Variants in EIF3A observed in about 807,000 individuals in gnomAD.
The protein encoded by EIF3A is eukaryotic translation initiation factor 3 subunit A.
EIF3A carries 21 observed loss-of-function variants against 186.6 expected under a neutral mutation model. The ratio of observed to expected loss-of-function variants is 0.11; its 90% CI spans 0.08 to 0.16. The LOEUF is 0.16. EIF3A is among the 10% of genes least tolerant of loss of function. The pLI is 1.00. For missense variants in EIF3A, 1,306 were observed against 1,796.3 expected (o/e 0.73, Z 4.93); for synonymous variants, 563 against 584.3 (o/e 0.96, Z 0.52).
intron 17 of EIF3A, among the ~76,000 whole-genome samples, chr10:119,049,493 C>CA (rs67696743): frequency 0.12 from 13,965 of 112,698 alleles, 2,328 homozygotes; most frequent in African/African-American, 0.37. Context: ...GACTCTGTCT[C>CA]AAAAAAAAAA....
At chr10:119,037,358 G>T (rs774950094) in intron 20 of EIF3A, 49 bp from the exon 21 acceptor site, 2 of 1,525,110 alleles carry the variant, frequency 1.3e-6, no homozygotes, top group Admixed American at 1.7e-5. Flanking sequence ...TAGACCAAAT[G>T]GATAATTATA....
chr10:119,061,352 G>T, intron 7 of EIF3A, 24 bp from the exon 8 acceptor site: 2 of 1,084,648 alleles, frequency 1.8e-6, no homozygotes, highest in Non-Finnish European at 2.7e-6. Context: ...AACAAAAGAT[G>T]TAACTGCCAA....
intron 11 of EIF3A, 45 bp downstream of exon 11, chr10:119,059,167 G>T: frequency 6.6e-7 from 1 of 1,510,900 alleles, no homozygotes; most frequent in Non-Finnish European, 9.1e-7. Context: ...GGCGTTAAGA[G>T]TCCCTCAAAA....
At chr10:119,074,609 T>TA (rs1282266376) in intron 1 of EIF3A, among the ~76,000 whole-genome samples, 1 of 151,458 alleles carries the variant, frequency 6.6e-6, no homozygotes, top group Non-Finnish European at 1.5e-5. Flanking sequence ...CAAACTGCTC[T>TA]AAAAAATTCT....
At chr10:119,065,981 T>C (rs1843969819) in intron 6 of EIF3A, among the ~76,000 whole-genome samples, 1 of 151,786 alleles carries the variant, frequency 6.6e-6, no homozygotes, top group Admixed American at 6.6e-5. Flanking sequence ...CCAGGCGTAG[T>C]GGTGGGCGCC....
chr10:119,042,379 C>A lies in EIF3A; in HGVS notation c.3141G>T (p.Gly1047=), dbSNP rs747054568. ...CATCATCAGCGCCTCCTCGCCTCGG[C>A]CCCCGGTCATCATCCATCCCACGTC... ...GPRRGMDDDR[G]PRRGGADDER... Residue 1047 remains glycine (G), a synonymous_variant, in exon 19 of 22, where the codon GGG becomes GGT. Coordinates refer to ENST00000369144, the MANE Select transcript of EIF3A (RefSeq NM_003750.4). This position sits in a 1 kb window ranked among gnomAD's most constrained non-coding sequence, Gnocchi z 7.8. The A allele has an allele frequency of 8.1e-6, 13 of 1,612,818 alleles. No homozygotes were observed. The Admixed American group carries it at 2.0e-4, about 25-fold the overall frequency.
At position 119,077,763 on chromosome 10, in the gene EIF3A, G is replaced by A. The variant is rs544678166; in HGVS notation, c.49+2865C>T. On this transcript the variant is annotated intron_variant, in intron 1 of 21. Coordinates refer to ENST00000369144, the MANE Select transcript of EIF3A (RefSeq NM_003750.4). ...CTAGAGACGGTTTCACTGTGTTAGTGAGGATGGTCTTGATCTCCTGACCTT... is the reference window on the plus strand; with the variant it reads ...CTAGAGACGGTTTCACTGTGTTAGTAAGGATGGTCTTGATCTCCTGACCTT... 6.6e-5 allele frequency among the ~76,000 whole-genome samples: 10 copies of A among 152,056 alleles called. No homozygotes were observed. In the South Asian group the frequency reaches 2.1e-3, roughly 32 times the overall value.
In EIF3A at chr10:119,064,331, ATGTGGTTTG is replaced by A. The variant is rs567950492; in HGVS notation, c.1122+1059_1122+1067del. On this transcript the variant is annotated intron_variant, in intron 7 of 21. Coordinates refer to ENST00000369144, the MANE Select transcript of EIF3A (RefSeq NM_003750.4). ...GTCTACCTTACCTTCTCCCCTAGTG[ATGTGGTTTG>A]GATCTGTGTACCCACCCAAATCTCA... Among the ~76,000 whole-genome samples, 192 of 152,222 alleles carry A rather than the reference ATGTGGTTTG, an allele frequency of 1.3e-3. 4 individuals carry two copies. The South Asian group carries it at 0.021, about 16-fold the overall frequency.
chr10:119,034,703 T>C lies in EIF3A; in HGVS notation c.*1336A>G, dbSNP rs1253780554. ...CTACTCAATAACAGAAATAAGTGCCTACAGCCATGATGAATTTGTAACATT... is the reference window on the plus strand; with the variant it reads ...CTACTCAATAACAGAAATAAGTGCCCACAGCCATGATGAATTTGTAACATT... On this transcript the variant is annotated 3_prime_UTR_variant, in exon 22 of 22. Transcript: ENST00000369144. 1 of 152,208 alleles carries C rather than the reference T, an allele frequency of 6.6e-6. No individual in the cohort carries two copies. Among genetic ancestry groups the C allele is most frequent in the East Asian group, 1.9e-4 (1 of 5,202 alleles). The allele number at this position is 152,208 out of a possible 1,614,324, so 9.4% of individuals were successfully genotyped here.
intron 7 of EIF3A, among the ~76,000 whole-genome samples, chr10:119,062,691 C>G (rs765964296): frequency 6.6e-6 from 1 of 150,976 alleles, no homozygotes; most frequent in African/African-American, 2.4e-5. Flanking sequence ...AAATGTCTTT[C>G]GCTTCTGGGA....
intron 14 of EIF3A, among the ~76,000 whole-genome samples, chr10:119,056,241 G>A (rs766501372): frequency 2.6e-5 from 4 of 152,168 alleles, no homozygotes; most frequent in Non-Finnish European, 5.9e-5. Flanking sequence ...GGAATGACCT[G>A]TTTAGTCACG....
chr10:119,075,020 C>T (rs1360871635), intron 1 of EIF3A, among the ~76,000 whole-genome samples: 1 of 113,614 alleles, frequency 8.8e-6, no homozygotes, highest in Non-Finnish European at 1.7e-5. Context: ...CTCGCTGTGT[C>T]GCCCAGGCTG....
intron 9 of EIF3A, chr10:119,060,268 G>T: frequency 2.3e-6 from 1 of 428,832 alleles, no homozygotes; most frequent in South Asian, 1.7e-5. Flanking sequence ...ATTCACTCAT[G>T]GTGGGGGGTC....
At position 119,036,103 on chromosome 10, in the gene EIF3A, C is replaced by G. The variant is rs778671067; in HGVS notation, c.4085G>C (p.Arg1362Thr). The G allele has an allele frequency of 1.9e-5, 31 of 1,613,918 alleles. No individual in the cohort carries two copies. The highest frequency in any genetic ancestry group is 2.5e-5 in the Non-Finnish European group (30 of 1,179,952). ...EKASWRAEKDRESLRRTKNET... is the reference protein window; with the variant it reads ...EKASWRAEKDTESLRRTKNET... Reference sequence around the variant, plus strand: ...ATTTTTAGTACGACGGAGAGATTCCCTATCTTTCTCAGCTCTCCATGAGGC... The same window carrying G: ...ATTTTTAGTACGACGGAGAGATTCCGTATCTTTCTCAGCTCTCCATGAGGC... Residue 1362 changes from arginine to threonine, a missense_variant, in exon 22 of 22, where the codon AGG becomes ACG. By Grantham distance (71) the Arg-to-Thr change is moderately conservative. Around this residue, in one of 8 missense-constraint regions of EIF3A, gnomAD observed 331 missense variants for 365.8 expected, o/e 0.90. Coordinates refer to ENST00000369144, the MANE Select transcript of EIF3A (RefSeq NM_003750.4).
intron 4 of EIF3A, 120 bp from the exon 5 acceptor site, chr10:119,071,205 A>G: frequency 1.4e-6 from 1 of 719,868 alleles, no homozygotes; most frequent in Non-Finnish European, 2.3e-6. Context: ...ACTCATCATT[A>G]GTCTTTGTGA....
At chr10:119,040,608 C>T (rs1312576996) in intron 19 of EIF3A, among the ~76,000 whole-genome samples, 1 of 152,150 alleles carries the variant, frequency 6.6e-6, no homozygotes, top group Non-Finnish European at 1.5e-5. Flanking sequence ...CAGTGGCTCA[C>T]GCCTGTAATC....
Position 119,037,143 on chromosome 10 carries a change from G to T in EIF3A, c.3895C>A (p.Pro1299Thr). 1 of 1,611,648 alleles carries T rather than the reference G, an allele frequency of 6.2e-7. No individual in the cohort carries two copies. Among genetic ancestry groups the T allele is most frequent in the South Asian group, 1.1e-5 (1 of 91,004 alleles). ...CCTTCTTCACGTTCTGATCTGAGTG[G>T]AGGTCCTCTTCGGTCCCTGTCGTCT... ...LRDDRDRRGP[P>T]LRSEREEVSS... Residue 1299 changes from proline (P) to threonine (T), a missense_variant, in exon 21 of 22, where the codon CCA becomes ACA. By Grantham distance (38) the Pro-to-Thr change is conservative. This residue lies in a region of EIF3A where 331 missense variants were observed against 365.8 expected (regional missense o/e 0.90). Coordinates refer to ENST00000369144, the MANE Select transcript of EIF3A (RefSeq NM_003750.4).
chr10:119,042,054 G>GATC lies in EIF3A; in HGVS notation c.3463_3465dup (p.Asp1155dup), dbSNP rs1564749017. The GATC allele has an allele frequency of 2.5e-5, 41 of 1,614,114 alleles. No homozygotes were observed. The highest frequency in any genetic ancestry group is 3.5e-5 in the Non-Finnish European group (41 of 1,179,988). ...GAGTCATCACCCCGTCTGGGAAACCGATCATCATCAGCACGTCTTGAAAGG... is the reference window on the plus strand; with the variant it reads ...GAGTCATCACCCCGTCTGGGAAACCGATCATCATCATCAGCACGTCTTGAAAGG... On this transcript the variant is annotated inframe_insertion, in exon 19 of 22. Transcript: ENST00000369144. This position sits in a 1 kb window ranked among gnomAD's most constrained non-coding sequence, Gnocchi z 7.8.
At position 119,080,693 on chromosome 10, in the gene EIF3A, GC is replaced by G; in HGVS notation, c.-18del. Reference sequence around the variant, plus strand: ...GGCCGGCATCTTGGCGGCAGGCTCAGCTCACCCGGCGTCAGCGAACTCTCTA... The same window carrying G: ...GGCCGGCATCTTGGCGGCAGGCTCAGTCACCCGGCGTCAGCGAACTCTCTA... On this transcript the variant is annotated 5_prime_UTR_variant, in exon 1 of 22. Coordinates refer to ENST00000369144, the MANE Select transcript of EIF3A (RefSeq NM_003750.4). 1 of 1,587,368 alleles carries G rather than the reference GC, an allele frequency of 6.3e-7. No homozygotes were observed. Among genetic ancestry groups the G allele is most frequent in the Non-Finnish European group, 8.6e-7 (1 of 1,168,278 alleles).
Sources: gnomAD v4.1 joint callset for allele counts (sites outside exome capture counted in the v4.1 genomes callset) on GRCh38, gnomAD v4.1.1 for gene constraint, gnomAD v4.1.1 regional missense constraint, Gnocchi (gnomAD v3.1) non-coding constraint, MANE v1.5 for transcripts, NCBI Gene and HGNC (gene_info 2026-07-23, HGNC 2026-07-21) for gene names.